Variants in CHSY3 observed in about 807,000 individuals in gnomAD.
CHSY3 encodes N-acetylgalactosaminyl-proteoglycan 3-beta-glucuronosyltransferase 3.
Under a neutral mutation model 67.2 loss-of-function variants are expected in CHSY3, and 35 were observed. That is an observed-to-expected ratio of 0.52 (90% CI 0.40 to 0.69). The LOEUF is 0.69. CHSY3 is among the 30% of genes least tolerant of loss of function. CHSY3 has a pLI of 0.00. For synonymous variants in CHSY3, 474 were observed against 434.7 expected (o/e 1.09, Z -1.12); for missense variants, 1,069 against 1,138.5 (o/e 0.94, Z 0.88).
At chr5:130,069,080 T>G (rs1765977114) in intron 2 of CHSY3, among the ~76,000 whole-genome samples, 1 of 152,120 alleles carries the variant, frequency 6.6e-6, no homozygotes, top group African/African-American at 2.4e-5. Flanking sequence ...TAAATCCCAT[T>G]AGCTGAGGTT....
upstream of CHSY3, among the ~76,000 whole-genome samples, chr5:129,904,181 G>A (rs1469180217): frequency 6.6e-6 from 1 of 152,050 alleles, no homozygotes; most frequent in Non-Finnish European, 1.5e-5. Flanking sequence ...AGCAAGAGCT[G>A]GGGGAGGAGG....
At chr5:130,133,512 C>T (rs1270247393) in intron 2 of CHSY3, among the ~76,000 whole-genome samples, 1 of 152,020 alleles carries the variant, frequency 6.6e-6, no homozygotes, top group Non-Finnish European at 1.5e-5. Flanking sequence ...TGGCTCACAC[C>T]TGTAATCCCA....
chr5:130,063,096 G>T (rs986623623), intron 2 of CHSY3, among the ~76,000 whole-genome samples: 5 of 151,838 alleles, frequency 3.3e-5, no homozygotes, highest in African/African-American at 7.3e-5. Context: ...TCTATTTTTT[G>T]ATTTTTAAAT....
intron 2 of CHSY3, among the ~76,000 whole-genome samples, chr5:129,993,398 T>C (rs1763429079): frequency 6.6e-6 from 1 of 152,170 alleles, no homozygotes; most frequent in African/African-American, 2.4e-5. Flanking sequence ...TACTCCTGTA[T>C]TGGGTGCATA....
intron 2 of CHSY3, among the ~76,000 whole-genome samples, chr5:130,028,222 A>C (rs1764606765): frequency 6.6e-6 from 1 of 152,180 alleles, no homozygotes; most frequent in Non-Finnish European, 1.5e-5. Context: ...ATCCTAAGCC[A>C]AAAGAACAAA....
intron 2 of CHSY3, among the ~76,000 whole-genome samples, chr5:130,049,770 C>CTTT (rs72080416): frequency 1.5e-4 from 22 of 146,220 alleles, no homozygotes; most frequent in African/African-American, 4.8e-4. Context: ...ATCTCCCCAT[C>CTTT]TTTTTTTTTT....
intron 2 of CHSY3, among the ~76,000 whole-genome samples, chr5:130,073,487 C>T (rs1766154361): frequency 2.6e-5 from 4 of 151,818 alleles, no homozygotes; most frequent in African/African-American, 9.7e-5. Context: ...GGGGTTTCAC[C>T]ATGTTGGCCA....
chr5:130,045,806 C>T lies in CHSY3; in HGVS notation c.1086+137446C>T, dbSNP rs573371820. On this transcript the variant is annotated intron_variant, in intron 2 of 2. Coordinates refer to ENST00000305031, the MANE Select transcript of CHSY3 (RefSeq NM_175856.5). ...TCAGTATTATATCAGCAAACATGAA[C>T]ACCTTGTGCTTGCTCAGAGTGGGTA... is the stretch of plus-strand genomic sequence containing the variant. 2.6e-5 allele frequency among the ~76,000 whole-genome samples: 4 copies of T among 152,232 alleles called. No homozygotes were observed. The East Asian group carries it at 7.8e-4, about 30-fold the overall frequency.
intron 2 of CHSY3, among the ~76,000 whole-genome samples, chr5:129,977,729 A>G (rs970157318): frequency 2.0e-5 from 3 of 152,138 alleles, no homozygotes; most frequent in Non-Finnish European, 2.9e-5. Flanking sequence ...AAGTTTTATC[A>G]TGGTCAAAAT....
At chr5:130,051,185 G>T (rs570367499) in intron 2 of CHSY3, among the ~76,000 whole-genome samples, 1 of 152,196 alleles carries the variant, frequency 6.6e-6, no homozygotes, top group East Asian at 1.9e-4. Flanking sequence ...GGATGTGGTG[G>T]AGGTGGGCGT....
chr5:130,123,859 C>T (rs1473248917), intron 2 of CHSY3, among the ~76,000 whole-genome samples: 4 of 151,608 alleles, frequency 2.6e-5, no homozygotes, highest in Non-Finnish European at 5.9e-5. Flanking sequence ...AGATCAAGAC[C>T]ATCCTGGCTA....
Position 130,019,622 on chromosome 5 carries a change from C to T in CHSY3, c.1086+111262C>T, listed in dbSNP as rs565621022. ...CTCTCTGGTTTTTAAGCAGGCTTAC[C>T]CCTCAAAATAACAACCTCGTTTATC... On this transcript the variant is annotated intron_variant, in intron 2 of 2. Coordinates refer to ENST00000305031, the MANE Select transcript of CHSY3 (RefSeq NM_175856.5). 2.6e-4 allele frequency among the ~76,000 whole-genome samples: 39 copies of T among 152,262 alleles called. No homozygotes were observed. The South Asian group carries it at 5.0e-3, about 19-fold the overall frequency.
At chr5:129,985,395 A>G (rs1025923833) in intron 2 of CHSY3, among the ~76,000 whole-genome samples, 2 of 151,836 alleles carry the variant, frequency 1.3e-5, no homozygotes, top group Non-Finnish European at 2.9e-5. Context: ...GTCTGTTTTT[A>G]TGCCAGTATC....
At chr5:129,922,974 CT>C (rs1760973795) in intron 2 of CHSY3, among the ~76,000 whole-genome samples, 1 of 152,164 alleles carries the variant, frequency 6.6e-6, no homozygotes. Context: ...TTGAAGAGTT[CT>C]GAGTAGGTGA....
At chr5:130,080,695 G>A (rs1369695470) in intron 2 of CHSY3, among the ~76,000 whole-genome samples, 1 of 152,036 alleles carries the variant, frequency 6.6e-6, no homozygotes, top group African/African-American at 2.4e-5. Flanking sequence ...CAGAGAAAAA[G>A]CCTGAGTGGA....
chr5:130,100,834 A>G (rs932855322), intron 2 of CHSY3, among the ~76,000 whole-genome samples: 1 of 152,204 alleles, frequency 6.6e-6, no homozygotes, highest in Non-Finnish European at 1.5e-5. Flanking sequence ...TGTAATTGCC[A>G]TTTCAACCCT....
chr5:130,003,937 T>C (rs928500941), intron 2 of CHSY3, among the ~76,000 whole-genome samples: 8 of 152,206 alleles, frequency 5.3e-5, no homozygotes, highest in African/African-American at 1.9e-4. Context: ...TTCTCAATAT[T>C]TCATTTAACA....
At chr5:130,180,566 A>ACC (rs1484687069) in intron 2 of CHSY3, among the ~76,000 whole-genome samples, 1 of 152,028 alleles carries the variant, frequency 6.6e-6, no homozygotes, top group African/African-American at 2.4e-5. Context: ...AAAGTTTCTC[A>ACC]GTTAAGACTG....
chr5:130,161,732 CA>C (rs1769549670), intron 2 of CHSY3, among the ~76,000 whole-genome samples: 1 of 151,946 alleles, frequency 6.6e-6, no homozygotes, highest in African/African-American at 2.4e-5. Flanking sequence ...TTCTTCACTT[CA>C]AAAATAGTTG....
Sources: gnomAD v4.1 joint callset for allele counts (sites outside exome capture counted in the v4.1 genomes callset) on GRCh38, gnomAD v4.1.1 for gene constraint, MANE v1.5 for transcripts, NCBI Gene and HGNC (gene_info 2026-07-23, HGNC 2026-07-21) for gene names.